The following RAP1GAP2 variants were observed in gnomAD, a reference collection of about 807,000 sequenced individuals.
RAP1GAP2 encodes RAP1 GTPase activating protein 2.
Under a neutral mutation model 95.0 loss-of-function variants are expected in RAP1GAP2, and 27 were observed. The observed-to-expected ratio is 0.28, with a 90% confidence interval of 0.21 to 0.39. The LOEUF is 0.39. RAP1GAP2 is among the 10% of genes least tolerant of loss of function. The pLI, the probability that RAP1GAP2 is intolerant of heterozygous loss-of-function variation, is 1.00. For missense variants in RAP1GAP2, 771 were observed against 970.0 expected (o/e 0.79, Z 2.72); for synonymous variants, 373 against 380.9 (o/e 0.98, Z 0.24).
At chr17:2,956,807 T>A (rs1245793460) in intron 3 of RAP1GAP2, among the ~76,000 whole-genome samples, 4 of 152,116 alleles carry the variant, frequency 2.6e-5, no homozygotes, top group Admixed American at 2.6e-4. Context: ...GGTCAAAGGT[T>A]TGGACAAGTG....
At chr17:2,845,166 G>A (rs1220083441) in intron 2 of RAP1GAP2, among the ~76,000 whole-genome samples, 12 of 152,050 alleles carry the variant, frequency 7.9e-5, no homozygotes, top group South Asian at 2.1e-4. Flanking sequence ...GTTTTGAGAC[G>A]GAGTCTCACT....
intron 2 of RAP1GAP2, among the ~76,000 whole-genome samples, chr17:2,840,246 C>T (rs925261211): frequency 2.6e-5 from 4 of 151,622 alleles, no homozygotes; most frequent in Admixed American, 2.6e-4. Flanking sequence ...TCACTGCGAC[C>T]CCCACCTCCT....
At chr17:2,999,284 T>C (rs528961500) in intron 14 of RAP1GAP2, among the ~76,000 whole-genome samples, 1 of 152,312 alleles carries the variant, frequency 6.6e-6, no homozygotes, top group South Asian at 2.1e-4. Flanking sequence ...CACAGTGCTG[T>C]GGCGGGCATG....
In RAP1GAP2 at chr17:2,818,328, TA is replaced by T. The variant is rs1214755022; in HGVS notation, c.80+17779del. 1.5e-3 allele frequency among the ~76,000 whole-genome samples: 217 copies of T among 141,592 alleles called. 1 individual carries two copies. The highest frequency in any genetic ancestry group is 6.3e-3 in the African/African-American group (205 of 32,754). The allele number at this position is 141,592 out of a possible 152,430, so 92.9% of individuals were successfully genotyped here. ...TTATTTATTTATTTATTTATTTATT[TA>T]TTTATTTATTTATTTTTGAGACGGA... On this transcript the variant is annotated intron_variant, in intron 2 of 24. Transcript: ENST00000254695.
At chr17:2,932,395 T>A (rs1292100616) in intron 3 of RAP1GAP2, among the ~76,000 whole-genome samples, 3 of 151,840 alleles carry the variant, frequency 2.0e-5, no homozygotes, top group Non-Finnish European at 2.9e-5. Context: ...CAACTGCATA[T>A]CCCATAACAA....
rs1351687226 is a variant in RAP1GAP2, at chr17:2,902,693, G to A, written c.81-2591G>A. Among the ~76,000 whole-genome samples the A allele has an allele frequency of 6.6e-6, 1 of 152,160 alleles. No homozygotes were observed. The highest frequency in any genetic ancestry group is 1.5e-5 in the Non-Finnish European group (1 of 68,030). ...ATTTGGGAAATCCTTCTGGTCAGAAGCTGCCATGTGCTCCGACTTGAGAGT... is the reference window on the plus strand; with the variant it reads ...ATTTGGGAAATCCTTCTGGTCAGAAACTGCCATGTGCTCCGACTTGAGAGT... On this transcript the variant is annotated intron_variant, in intron 2 of 24. Transcript: ENST00000254695. The surrounding 1 kb of genome is among the most constrained non-coding windows in gnomAD (Gnocchi z 4.1).
chr17:2,794,867 T>A (rs1393629838), upstream of RAP1GAP2, among the ~76,000 whole-genome samples: 1 of 131,650 alleles, frequency 7.6e-6, no homozygotes, highest in Non-Finnish European at 1.5e-5. Flanking sequence ...GGCCGTTTTT[T>A]TCCTTTTTTT....
At chr17:2,776,758 G>C (rs1289708647), upstream of RAP1GAP2, among the ~76,000 whole-genome samples, 1 of 150,062 alleles carries the variant, frequency 6.7e-6, no homozygotes, top group African/African-American at 2.4e-5. Context: ...GCGCGGCTTT[G>C]TGCGCTGGGG....
upstream of RAP1GAP2, among the ~76,000 whole-genome samples, chr17:2,775,633 G>C (rs1597283800): frequency 1.3e-5 from 2 of 152,258 alleles, no homozygotes; most frequent in South Asian, 4.1e-4. Flanking sequence ...AGACAGAAGC[G>C]AAAACTTCTG....
intron 3 of RAP1GAP2, among the ~76,000 whole-genome samples, chr17:2,908,589 A>G (rs1019055607): frequency 6.6e-6 from 1 of 151,864 alleles, no homozygotes; most frequent in African/African-American, 2.4e-5. Flanking sequence ...GAGATATGAG[A>G]TTTGGGGAGA....
intron 2 of RAP1GAP2, among the ~76,000 whole-genome samples, chr17:2,868,155 C>T (rs1244852406): frequency 2.0e-5 from 3 of 152,124 alleles, no homozygotes; most frequent in Non-Finnish European, 4.4e-5. Context: ...CCAGCAGGTC[C>T]GGATTCCTTG....
chr17:2,783,568 C>T (rs1431151599), intron 1 of RAP1GAP2, among the ~76,000 whole-genome samples: 1 of 152,228 alleles, frequency 6.6e-6, no homozygotes, highest in Non-Finnish European at 1.5e-5. Context: ...GGCAGGAGCA[C>T]AGGCTCTGGA....
At chr17:2,970,697 TTATAA>T (rs1200103747) in intron 8 of RAP1GAP2, among the ~76,000 whole-genome samples, 2 of 152,264 alleles carry the variant, frequency 1.3e-5, no homozygotes, top group Non-Finnish European at 2.9e-5. Flanking sequence ...TATGAACAGT[TTATAA>T]GCTTTGCTTC....
chr17:2,882,042 G>A (rs556376175), intron 2 of RAP1GAP2, among the ~76,000 whole-genome samples: 11 of 150,522 alleles, frequency 7.3e-5, no homozygotes, highest in Non-Finnish European at 1.3e-4. Context: ...GGATGGCCTC[G>A]ATCTCCTGAC....
chr17:2,845,138 T>G (rs572168284), intron 2 of RAP1GAP2, among the ~76,000 whole-genome samples: 1 of 152,212 alleles, frequency 6.6e-6, no homozygotes, highest in African/African-American at 2.4e-5. Flanking sequence ...CCTCAGTCTT[T>G]TTTTGTTGTT....
At chr17:2,804,119 ACAG>A (rs1394699496) in intron 2 of RAP1GAP2, among the ~76,000 whole-genome samples, 1 of 152,080 alleles carries the variant, frequency 6.6e-6, no homozygotes, top group Admixed American at 6.5e-5. Context: ...CTCTCCTTCT[ACAG>A]CAGCTCACTG....
intron 13 of RAP1GAP2, among the ~76,000 whole-genome samples, 166 bp downstream of exon 13, chr17:2,995,632 C>T (rs950342368): frequency 1.6e-4 from 24 of 152,180 alleles, no homozygotes; most frequent in Non-Finnish European, 2.5e-4. Flanking sequence ...TGTTTCTGGC[C>T]GAGGCTGTGC....
At chr17:2,828,405 A>C (rs1488366666) in intron 2 of RAP1GAP2, among the ~76,000 whole-genome samples, 1 of 148,096 alleles carries the variant, frequency 6.8e-6, no homozygotes, top group African/African-American at 2.6e-5. Context: ...ACTTACCCTA[A>C]ATTCAGTGAA....
chr17:2,898,336 G>A lies in RAP1GAP2; in HGVS notation c.81-6948G>A, dbSNP rs114732762. On this transcript the variant is annotated intron_variant, in intron 2 of 24. Coordinates refer to ENST00000254695, the MANE Select transcript of RAP1GAP2 (RefSeq NM_015085.5). ...AGCCCTGCCAGGTAGGAACAGGTGC[G>A]CAACACCTGCTCCTTCTCAAGCTAC... is the stretch of plus-strand genomic sequence containing the variant. Among the ~76,000 whole-genome samples the A allele has an allele frequency of 5.4e-3, 822 of 152,188 alleles. 7 individuals are homozygous for A. The highest frequency in any genetic ancestry group is 0.019 in the African/African-American group (791 of 41,508).
Sources: gnomAD v4.1 joint callset for allele counts (sites outside exome capture counted in the v4.1 genomes callset) on GRCh38, gnomAD v4.1.1 for gene constraint, Gnocchi (gnomAD v3.1) non-coding constraint, MANE v1.5 for transcripts, NCBI Gene and HGNC (gene_info 2026-07-23, HGNC 2026-07-21) for gene names.